The following PIK3CG variants were observed in gnomAD, a reference collection of about 807,000 sequenced individuals.
The protein encoded by PIK3CG is phosphatidylinositol 4,5-bisphosphate 3-kinase catalytic subunit gamma isoform.
PIK3CG carries 55 observed loss-of-function variants against 102.3 expected under a neutral mutation model. The observed-to-expected ratio is 0.54, with a 90% CI of 0.43 to 0.67. The LOEUF is 0.67. Among genes scored for constraint, PIK3CG ranks in the 30% least tolerant of loss-of-function variants. PIK3CG has a pLI of 0.00. For missense variants in PIK3CG, 1,258 were observed against 1,391.8 expected (o/e 0.90, Z 1.53); for synonymous variants, 552 against 540.0 (o/e 1.02, Z -0.31).
At position 106,886,139 on chromosome 7, in the gene PIK3CG, C is replaced by T. The variant is rs2116560347; in HGVS notation, c.2877C>T (p.Asn959=). The change falls in exon 10 of 11, where the codon AAC becomes AAT. Residue 959 remains asparagine (N), a synonymous_variant. Coordinates refer to ENST00000496166, the MANE Select transcript of PIK3CG (RefSeq NM_001282426.2). ...NDNIMITETG[N]LFHIDFGHIL... is the part of the protein sequence containing the mutation. ...CAGATACTTTCTTCTCTTAAGGAAACCTATTTCATATTGACTTCGGGCACA... is the reference window on the plus strand; with the variant it reads ...CAGATACTTTCTTCTCTTAAGGAAATCTATTTCATATTGACTTCGGGCACA... The T allele has an allele frequency of 6.2e-7, 1 of 1,613,712 alleles. No individual in the cohort carries two copies. Among genetic ancestry groups the T allele is most frequent in the South Asian group, 1.1e-5 (1 of 91,052 alleles).
intron 9 of PIK3CG, among the ~76,000 whole-genome samples, chr7:106,885,539 T>G (rs572740308): frequency 6.6e-6 from 1 of 152,088 alleles, no homozygotes; most frequent in Non-Finnish European, 1.5e-5. Flanking sequence ...TTAAAAGAGA[T>G]AATATATTTA....
At position 106,867,465 on chromosome 7, in the gene PIK3CG, A is replaced by G; in HGVS notation, c.-12-85A>G. On this transcript the variant is annotated intron_variant, in intron 1 of 10. Coordinates refer to ENST00000496166, the MANE Select transcript of PIK3CG (RefSeq NM_001282426.2). The surrounding 1 kb of genome is among the most constrained non-coding windows in gnomAD (Gnocchi z 5.1). ...GTCCCTGTGCACATGTACGCCGCCT[A>G]TACCTCCTCTTCCCTCATCTCACCA... 4 of 1,258,414 alleles carry G rather than the reference A, an allele frequency of 3.2e-6. No individual in the cohort carries two copies. The highest frequency in any genetic ancestry group is 3.3e-6 in the Non-Finnish European group (3 of 901,928). The allele number at this position is 1,258,414 out of a possible 1,614,324, so 78.0% of individuals were successfully genotyped here. A position where few individuals can be genotyped will look rare whatever the true frequency, so the allele number is the denominator to read the frequency against.
At chr7:106,904,643 G>A (rs867631217) in intron 10 of PIK3CG, among the ~76,000 whole-genome samples, 4 of 152,170 alleles carry the variant, frequency 2.6e-5, no homozygotes, top group Non-Finnish European at 5.9e-5. Context: ...TCTTAGACTT[G>A]AACAGAGTAT....
chr7:106,888,704 A>T (rs1392540798), intron 10 of PIK3CG, among the ~76,000 whole-genome samples: 1 of 152,238 alleles, frequency 6.6e-6, no homozygotes, highest in East Asian at 1.9e-4. Flanking sequence ...TGTTAAACAT[A>T]CGTGTTAAGC....
At chr7:106,882,655 C>G in intron 7 of PIK3CG, 1 of 183,548 alleles carries the variant, frequency 5.4e-6, no homozygotes, top group South Asian at 1.8e-4. Flanking sequence ...TATGTTTATT[C>G]AAGTTTCTGA....
At position 106,893,488 on chromosome 7, in the gene PIK3CG, C is replaced by A. The variant is rs544946972; in HGVS notation, c.3030+7196C>A. On this transcript the variant is annotated intron_variant, in intron 10 of 10. Transcript: ENST00000496166. This position sits in a 1 kb window ranked among gnomAD's most constrained non-coding sequence, Gnocchi z 4.4. The stretch of plus-strand genomic sequence containing the variant: ...ATAACCTTTTAATTGACATCATTCT[C>A]TCAATATTTAGTTTCTTTCAGAACA... Among the ~76,000 whole-genome samples, 1 of 152,304 alleles carries A rather than the reference C, an allele frequency of 6.6e-6. No homozygotes were observed. The highest frequency in any genetic ancestry group is 1.9e-4 in the East Asian group (1 of 5,186).
Position 106,884,141 on chromosome 7 carries a change from T to G in PIK3CG, c.2761-14T>G, listed in dbSNP as rs756019134. The G allele has an allele frequency of 3.9e-6, 6 of 1,548,418 alleles. No individual in the cohort carries two copies. Among genetic ancestry groups the G allele is most frequent in the Non-Finnish European group, 5.3e-6 (6 of 1,121,560 alleles). The stretch of plus-strand genomic sequence containing the variant: ...AGTTAGAAGACAACTAATATTCAAA[T>G]GCATTTTAATTAGTTTCAGGCAGCA... On this transcript the variant is annotated splice_polypyrimidine_tract_variant and intron_variant, in intron 8 of 10. Coordinates refer to ENST00000496166, the MANE Select transcript of PIK3CG (RefSeq NM_001282426.2). This position sits in a 1 kb window ranked among gnomAD's most constrained non-coding sequence, Gnocchi z 4.2.
rs1307581111 is a variant in PIK3CG at position 106,906,106 on chromosome 7, T to G, written c.*719T>G. 1 of 226,068 alleles carries G rather than the reference T, an allele frequency of 4.4e-6. No individual in the cohort carries two copies. Among genetic ancestry groups the G allele is most frequent in the Non-Finnish European group, 8.7e-6 (1 of 114,660 alleles). The allele number at this position is 226,068 out of a possible 1,614,324, so 14.0% of individuals were successfully genotyped here. A position where few individuals can be genotyped will look rare whatever the true frequency, so the allele number is the denominator to read the frequency against. ...ACAAGAGTGAGTTATCTAGTATGAT[T>G]AGTATAGCTTTCTCCAGCATGGCAG... On this transcript the variant is annotated 3_prime_UTR_variant, in exon 11 of 11. Coordinates refer to ENST00000496166, the MANE Select transcript of PIK3CG (RefSeq NM_001282426.2).
chr7:106,871,380 C>A (rs537214410), intron 2 of PIK3CG, among the ~76,000 whole-genome samples: 126 of 152,312 alleles, frequency 8.3e-4, no homozygotes, highest in South Asian at 1.7e-3. Context: ...TTTGACCATA[C>A]TTTTGAAAAG....
chr7:106,868,227 C>T lies in PIK3CG; in HGVS notation c.666C>T (p.Ile222=), dbSNP rs772212264. ...AGATTGCCAACAACTGCATCTTCAT[C>T]GTCATTCACCGCAGCACCACCAGCC... ...WKKIANNCIF[I]VIHRSTTSQT... is the part of the protein sequence containing the mutation. Residue 222 remains isoleucine, a synonymous_variant, in exon 2 of 11, where the codon ATC becomes ATT. Coordinates refer to ENST00000496166, the MANE Select transcript of PIK3CG (RefSeq NM_001282426.2). The surrounding 1 kb of genome is among the most constrained non-coding windows in gnomAD (Gnocchi z 6.2). 5 of 1,612,574 alleles carry T rather than the reference C, an allele frequency of 3.1e-6. No individual in the cohort carries two copies. The highest frequency in any genetic ancestry group is 3.3e-5 in the Admixed American group (2 of 60,010).
rs2116415506 is a variant in PIK3CG at position 106,867,561 on chromosome 7, C to T, written c.-1C>T. 1.3e-6 allele frequency: 2 copies of T among 1,554,680 alleles called. No individual in the cohort carries two copies. Among genetic ancestry groups the T allele is most frequent in the Non-Finnish European group, 1.7e-6 (2 of 1,151,684 alleles). ...CCCTCCGCTCCCAGGTCGCATAGGG[C>T]ATGGAGCTGGAGAACTATAAACAGC... On this transcript the variant is annotated 5_prime_UTR_variant, in exon 2 of 11. Transcript: ENST00000496166. This position sits in a 1 kb window ranked among gnomAD's most constrained non-coding sequence, Gnocchi z 5.1.
Position 106,872,846 on chromosome 7 carries a change from T to C in PIK3CG, c.2195T>C (p.Phe732Ser). 1 of 1,614,178 alleles carries C rather than the reference T, an allele frequency of 6.2e-7. No individual in the cohort carries two copies. Among genetic ancestry groups the C allele is most frequent in the East Asian group, 2.2e-5 (1 of 44,882 alleles). The change falls in exon 4 of 11, where the codon TTT becomes TCT. Residue 732 changes from phenylalanine to serine, a missense_variant. Physicochemically the swap from Phe to Ser is radical, Grantham distance 155 (BLOSUM62 -2). Coordinates refer to ENST00000496166, the MANE Select transcript of PIK3CG (RefSeq NM_001282426.2). This position sits in a 1 kb window ranked among gnomAD's most constrained non-coding sequence, Gnocchi z 5.3. Reference protein sequence around the residue: ...RGCGTAMLHDFTQQVQVIEML... With the variant: ...RGCGTAMLHDSTQQVQVIEML... ...TGTGGCACAGCCATGCTGCACGACT[T>C]TACCCAACAAGTCCAAGTAATCGAG...
rs535086770 is a variant in PIK3CG at position 106,899,191 on chromosome 7, C to A, written c.3031-5918C>A. ...TGGCTGTTGTTGGTGTATAGGAATG[C>A]GTGATTTTTTACACTGATTTTGGAT... On this transcript the variant is annotated intron_variant, in intron 10 of 10. Transcript: ENST00000496166. The surrounding 1 kb of genome is among the most constrained non-coding windows in gnomAD (Gnocchi z 4.6). Among the ~76,000 whole-genome samples the A allele has an allele frequency of 4.0e-5, 6 of 151,826 alleles. No individual in the cohort carries two copies. Among genetic ancestry groups the A allele is most frequent in the African/African-American group, 1.5e-4 (6 of 41,376 alleles).
intron 6 of PIK3CG, among the ~76,000 whole-genome samples, chr7:106,881,310 G>A (rs1020170735): frequency 4.6e-5 from 7 of 152,148 alleles, no homozygotes; most frequent in African/African-American, 1.4e-4. Context: ...TTAAGGCTTT[G>A]TTCCTTCACC....
rs764022070 is a variant in PIK3CG at position 106,886,300 on chromosome 7, A to C, written c.3030+8A>C. 6.2e-7 allele frequency: 1 copy of C among 1,613,814 alleles called. No individual in the cohort carries two copies. The highest frequency in any genetic ancestry group is 1.7e-5 in the Admixed American group (1 of 60,002). On this transcript the variant is annotated splice_region_variant and intron_variant, in intron 10 of 10. Coordinates refer to ENST00000496166, the MANE Select transcript of PIK3CG (RefSeq NM_001282426.2). ...CACTTCCAGAAATTTCAGGTAAGTC[A>C]CCTCCTTCATCGCCTGCTGAGAATA...
chr7:106,879,581 C>G lies in PIK3CG; in HGVS notation c.2454C>G (p.Ala818=), dbSNP rs763798647. The G allele has an allele frequency of 6.2e-7, 1 of 1,612,556 alleles. No individual in the cohort carries two copies. Among genetic ancestry groups the G allele is most frequent in the Non-Finnish European group, 8.5e-7 (1 of 1,178,702 alleles). The part of the protein sequence containing the change: ...KKPLWLEFKC[A]DPTALSNETI... The stretch of plus-strand genomic sequence containing the variant: ...CACTATGGCTTGAGTTTAAATGTGC[C>G]GATCCTACAGCCCTATCAAATGAAA... Residue 818 remains alanine (A), a synonymous_variant, in exon 6 of 11, where the codon GCC becomes GCG. Transcript: ENST00000496166. This position sits in a 1 kb window ranked among gnomAD's most constrained non-coding sequence, Gnocchi z 4.9.
At position 106,892,382 on chromosome 7, in the gene PIK3CG, C is replaced by G. The variant is rs1791288015; in HGVS notation, c.3030+6090C>G. On this transcript the variant is annotated intron_variant, in intron 10 of 10. Transcript: ENST00000496166. The surrounding 1 kb of genome is among the most constrained non-coding windows in gnomAD (Gnocchi z 5.2). Reference sequence around the variant, plus strand: ...AGGACACTAATTCAACGCACACTGACTAAATACATACTACAGTTTAGGCAC... The same window carrying G: ...AGGACACTAATTCAACGCACACTGAGTAAATACATACTACAGTTTAGGCAC... 1.3e-5 allele frequency among the ~76,000 whole-genome samples: 2 copies of G among 152,240 alleles called. No homozygotes were observed. Among genetic ancestry groups the G allele is most frequent in the African/African-American group, 4.8e-5 (2 of 41,470 alleles).
At chr7:106,901,027 A>G (rs1044330281) in intron 10 of PIK3CG, among the ~76,000 whole-genome samples, 1 of 152,132 alleles carries the variant, frequency 6.6e-6, no homozygotes, top group African/African-American at 2.4e-5. Context: ...TCTGATGATT[A>G]TGTATCTTGG....
chr7:106,891,230 C>A lies in PIK3CG; in HGVS notation c.3030+4938C>A, dbSNP rs1371979098. ...ACTGGATAACCTCTGGGGTGTCTTCCTTCCATATCATACATTGTATTCTGT... is the reference window on the plus strand; with the variant it reads ...ACTGGATAACCTCTGGGGTGTCTTCATTCCATATCATACATTGTATTCTGT... On this transcript the variant is annotated intron_variant, in intron 10 of 10. Transcript: ENST00000496166. This position sits in a 1 kb window ranked among gnomAD's most constrained non-coding sequence, Gnocchi z 4.4. Among the ~76,000 whole-genome samples the A allele has an allele frequency of 6.6e-6, 1 of 152,162 alleles. No individual in the cohort carries two copies. Among genetic ancestry groups the A allele is most frequent in the African/African-American group, 2.4e-5 (1 of 41,428 alleles).
Sources: gnomAD v4.1 joint callset for allele counts (sites outside exome capture counted in the v4.1 genomes callset) on GRCh38, gnomAD v4.1.1 for gene constraint, Gnocchi (gnomAD v3.1) non-coding constraint, MANE v1.5 for transcripts, NCBI Gene and HGNC (gene_info 2026-07-23, HGNC 2026-07-21) for gene names.